HNRNPM: variants seen among roughly 807,000 people sequenced by gnomAD.
HNRNPM encodes heterogeneous nuclear ribonucleoprotein M.
Under a neutral mutation model 73.1 loss-of-function variants are expected in HNRNPM, and 11 were observed. That is an observed-to-expected ratio of 0.15 (90% CI 0.09 to 0.25). The LOEUF is 0.25. HNRNPM is among the 10% of genes least tolerant of loss of function. The pLI is 1.00. For synonymous variants in HNRNPM, 407 were observed against 355.2 expected (o/e 1.15, Z -1.64); for missense variants, 789 against 1,067.9 (o/e 0.74, Z 3.64).
chr19:8,448,723 T>A (rs1968400180), intron 1 of HNRNPM, among the ~76,000 whole-genome samples: 1 of 151,888 alleles, frequency 6.6e-6, no homozygotes. Context: ...GACGTCGTTA[T>A]CCGCCCGTCT....
At chr19:8,469,145 A>T (rs1219306865) in intron 9 of HNRNPM, among the ~76,000 whole-genome samples, 1 of 152,252 alleles carries the variant, frequency 6.6e-6, no homozygotes, top group East Asian at 1.9e-4. Flanking sequence ...CTGCACTCTA[A>T]TTCAGAAGAT....
intron 2 of HNRNPM, among the ~76,000 whole-genome samples, chr19:8,458,905 A>C (rs921352732): frequency 9.2e-5 from 14 of 152,136 alleles, no homozygotes; most frequent in African/African-American, 3.4e-4. Context: ...TTGCTTCTTC[A>C]TATTTTCCTC....
chr19:8,450,728 T>TTATTA (rs1555697591), intron 1 of HNRNPM, among the ~76,000 whole-genome samples: 17 of 109,104 alleles, frequency 1.6e-4, no homozygotes, highest in African/African-American at 4.3e-4. Flanking sequence ...ATTATTATTA[T>TTATTA]TTTTTTTTTT....
chr19:8,485,794 C>T lies in HNRNPM; in HGVS notation c.1366C>T (p.Arg456Cys). The T allele has an allele frequency of 3.1e-6, 5 of 1,603,174 alleles. No homozygotes were observed. The highest frequency in any genetic ancestry group is 4.2e-6 in the Non-Finnish European group (5 of 1,179,252). ...SVERMGSGIE[R>C]MGPLGLDHMA... is the part of the protein sequence containing the mutation. ...GGAGCGCATGGGCTCCGGCATTGAG[C>T]GCATGGGCCCGCTGGGCCTCGACCA... Residue 456 changes from arginine to cysteine, a missense_variant, in exon 14 of 16, where the codon CGC becomes TGC. This residue lies in a region of HNRNPM where 604 missense variants were observed against 744.0 expected (regional missense o/e 0.81). Coordinates refer to ENST00000325495, the MANE Select transcript of HNRNPM (RefSeq NM_005968.5).
intron 14 of HNRNPM, 74 bp from the exon 15 acceptor site, chr19:8,486,950 C>G: frequency 8.4e-7 from 1 of 1,194,922 alleles, no homozygotes; most frequent in Non-Finnish European, 1.3e-6. Flanking sequence ...GCATGGCCCT[C>G]AGAGCCAGCT....
At position 8,459,853 on chromosome 19, in the gene HNRNPM, G is replaced by A. The variant is rs568858710; in HGVS notation, c.284-2676G>A. Among the ~76,000 whole-genome samples the A allele has an allele frequency of 2.6e-5, 4 of 152,326 alleles. No homozygotes were observed. In the East Asian group the frequency reaches 7.7e-4, roughly 29 times the overall value. The stretch of plus-strand genomic sequence containing the variant: ...ATTCACTTAAATGTTGGTCAAAAAT[G>A]ATTTCTTAGAGCATTTTAAATAGAG... On this transcript the variant is annotated intron_variant, in intron 2 of 15. Transcript: ENST00000325495.
intron 12 of HNRNPM, among the ~76,000 whole-genome samples, chr19:8,477,368 CATT>C (rs540485723): frequency 7.2e-4 from 109 of 152,218 alleles, no homozygotes; most frequent in African/African-American, 2.4e-3. Flanking sequence ...TTTTAAAAGA[CATT>C]GTAAGGCTGG....
At chr19:8,447,514 G>C (rs1968286831) in intron 1 of HNRNPM, among the ~76,000 whole-genome samples, 1 of 151,958 alleles carries the variant, frequency 6.6e-6, no homozygotes, top group East Asian at 1.9e-4. Context: ...TGTGGAAGTG[G>C]AGGAGAAGAA....
intron 12 of HNRNPM, among the ~76,000 whole-genome samples, chr19:8,476,643 C>T (rs910984897): frequency 2.6e-5 from 4 of 151,946 alleles, no homozygotes; most frequent in South Asian, 4.1e-4. Context: ...AAAATGCTAC[C>T]CTTTGTGGGT....
chr19:8,468,864 TTTGAA>T (rs1370564575), intron 9 of HNRNPM, 30 bp downstream of exon 9: 1 of 1,561,478 alleles, frequency 6.4e-7, no homozygotes, highest in South Asian at 1.1e-5. Context: ...GGGCTGAGAG[TTTGAA>T]TTGGAGTTAC....
intron 7 of HNRNPM, among the ~76,000 whole-genome samples, chr19:8,467,173 C>T (rs1331410823): frequency 2.6e-5 from 4 of 152,106 alleles, no homozygotes; most frequent in Non-Finnish European, 2.9e-5. Flanking sequence ...CAGACAAGAC[C>T]GTCACTGCAT....
At chr19:8,481,898 C>G (rs781671934) in intron 12 of HNRNPM, among the ~76,000 whole-genome samples, 2 of 151,348 alleles carry the variant, frequency 1.3e-5, no homozygotes, top group Non-Finnish European at 2.9e-5. Flanking sequence ...TGTCCCACAG[C>G]AGTTAGTTGG....
intron 12 of HNRNPM, among the ~76,000 whole-genome samples, chr19:8,481,854 T>A (rs906331861): frequency 6.6e-5 from 10 of 152,076 alleles, no homozygotes; most frequent in Admixed American, 3.3e-4. Context: ...GCTGGTAGAC[T>A]GAAGTCTGTG....
chr19:8,476,550 G>A (rs927443588), intron 12 of HNRNPM, among the ~76,000 whole-genome samples: 13 of 127,392 alleles, frequency 1.0e-4, no homozygotes, highest in Admixed American at 4.6e-4. Flanking sequence ...TAATCCCAGC[G>A]CATTGAGATT....
chr19:8,460,249 A>G (rs1348259258), intron 2 of HNRNPM, among the ~76,000 whole-genome samples: 1 of 152,250 alleles, frequency 6.6e-6, no homozygotes, highest in Non-Finnish European at 1.5e-5. Flanking sequence ...TTGCTATTGT[A>G]GAACCAAAAG....
chr19:8,445,246 A>G (rs1442938584), intron 1 of HNRNPM, 135 bp downstream of exon 1: 23 of 790,224 alleles, frequency 2.9e-5, no homozygotes, highest in Non-Finnish European at 4.1e-5. Context: ...CCGCCTGCTC[A>G]GGGTAGCGGC....
Position 8,489,085 on chromosome 19 carries a change from ACTT to A in HNRNPM, c.*232_*234del. ...TGGCATCTTGTTGACATCGAATATGACTTTGATAATAAATACCGGTTCCTGAAA... is the reference window on the plus strand; with the variant it reads ...TGGCATCTTGTTGACATCGAATATGATGATAATAAATACCGGTTCCTGAAA... On this transcript the variant is annotated 3_prime_UTR_variant, in exon 16 of 16. Transcript: ENST00000325495. The A allele has an allele frequency of 2.2e-6, 1 of 447,280 alleles. No homozygotes were observed. Among genetic ancestry groups the A allele is most frequent in the Non-Finnish European group, 4.1e-6 (1 of 246,136 alleles). The allele number at this position is 447,280 out of a possible 1,614,324, so 27.7% of individuals were successfully genotyped here. A position where few individuals can be genotyped will look rare whatever the true frequency, so the allele number is the denominator to read the frequency against.
At chr19:8,481,405 G>GGT (rs2145739387) in intron 12 of HNRNPM, 1 of 152,862 alleles carries the variant, frequency 6.5e-6, no homozygotes, top group East Asian at 1.9e-4. Flanking sequence ...GGCGGCGGTG[G>GGT]GTGCAGGTCT....
chr19:8,445,327 C>T, intron 1 of HNRNPM: 6 of 407,030 alleles, frequency 1.5e-5, no homozygotes, highest in Non-Finnish European at 2.6e-5. Flanking sequence ...CGAGCCTCGC[C>T]ACCCTCAGTC....
Sources: allele counts gnomAD v4.1 joint callset (sites outside exome capture counted in the v4.1 genomes callset), GRCh38; gene constraint gnomAD v4.1.1; regional missense constraint gnomAD v4.1.1; transcripts MANE v1.5; gene names NCBI Gene and HGNC (gene_info 2026-07-23, HGNC 2026-07-21).